EEF1E1: variants seen among roughly 807,000 people sequenced by gnomAD.
EEF1E1 encodes the protein eukaryotic translation elongation factor 1 epsilon 1.
In EEF1E1, 19 loss-of-function variants were observed where a neutral mutation model predicts 19.9. The ratio of observed to expected loss-of-function variants is 0.95; its 90% CI spans 0.66 to 1.40. The LOEUF is 1.40. EEF1E1 is among the 40% of genes most tolerant of loss of function. The pLI, the probability that EEF1E1 is intolerant of heterozygous loss-of-function variation, is 0.00. For missense variants in EEF1E1, 198 were observed against 202.2 expected, an observed-to-expected ratio of 0.98 and a Z score of 0.13; for synonymous variants, 81 against 80.0, an observed-to-expected ratio of 1.01 and a Z score of -0.07.
At chr6:8,099,330 TTG>T in intron 1 of EEF1E1, among the ~76,000 whole-genome samples, 1 of 152,348 alleles carries the variant, frequency 6.6e-6, no homozygotes, top group East Asian at 1.9e-4. Context: ...ATACTTACCA[TTG>T]TGTTACAACT....
At chr6:8,079,333 G>T, downstream of EEF1E1, 1 of 854,922 alleles carries the variant, frequency 1.2e-6, no homozygotes, top group Non-Finnish European at 1.4e-6. Context: ...CCGTAGGGCA[G>T]TTCAGTAGTT....
chr6:8,101,181 A>G (rs912597544), intron 1 of EEF1E1, among the ~76,000 whole-genome samples: 1 of 133,994 alleles, frequency 7.5e-6, no homozygotes, highest in African/African-American at 2.8e-5. Context: ...ATCCGAGATC[A>G]TGCCATGGCA....
intron 3 of EEF1E1, among the ~76,000 whole-genome samples, chr6:8,081,728 C>T (rs78499543): frequency 0.024 from 3,665 of 152,140 alleles, 168 homozygotes; most frequent in African/African-American, 0.083. Context: ...GCTTTCTTAC[C>T]AAAAATGAAT....
At chr6:8,092,383 C>T (rs754792778) in intron 2 of EEF1E1, among the ~76,000 whole-genome samples, 3 of 152,182 alleles carry the variant, frequency 2.0e-5, no homozygotes, top group Non-Finnish European at 2.9e-5. Context: ...ATGATACATA[C>T]TCAACATGAA....
chr6:8,090,331 T>G, intron 2 of EEF1E1, 50 bp from the exon 3 acceptor site: 2 of 1,268,516 alleles, frequency 1.6e-6, no homozygotes, highest in Non-Finnish European at 2.1e-6. Context: ...ACAGTAATAA[T>G]AAAGTTAATT....
intron 1 of EEF1E1, chr6:8,102,064 A>C (rs1232674212): frequency 6.7e-6 from 8 of 1,185,272 alleles, no homozygotes; most frequent in Non-Finnish European, 7.4e-6. Flanking sequence ...CTGCGCAATA[A>C]CTGAATGAAA....
At chr6:8,098,197 G>A (rs557924381) in intron 1 of EEF1E1, among the ~76,000 whole-genome samples, 24 of 151,600 alleles carry the variant, frequency 1.6e-4, no homozygotes, top group African/African-American at 5.3e-4. Context: ...TCGGCTCACT[G>A]CAACCTCTGC....
rs537403572 is a variant in EEF1E1, at chr6:8,101,712, A to T, written c.87+723T>A. Reference sequence around the variant, plus strand: ...TCTCTAATACATTCCTTCTACGACAAACAACTATAAAACACAAACGTTCTA... The same window carrying T: ...TCTCTAATACATTCCTTCTACGACATACAACTATAAAACACAAACGTTCTA... On this transcript the variant is annotated intron_variant, in intron 1 of 3. Coordinates refer to ENST00000379715, the MANE Select transcript of EEF1E1 (RefSeq NM_004280.5). 16 of 1,275,884 alleles carry T rather than the reference A, an allele frequency of 1.3e-5. No individual in the cohort carries two copies. The African/African-American group carries it at 1.8e-4, about 15-fold the overall frequency. The allele number at this position is 1,275,884 out of a possible 1,614,324, so 79.0% of individuals were successfully genotyped here. A position where few individuals can be genotyped will look rare whatever the true frequency, so the allele number is the denominator to read the frequency against.
chr6:8,099,754 ACACACACACAC>A (rs750811003), intron 1 of EEF1E1, among the ~76,000 whole-genome samples: 14,361 of 93,892 alleles, frequency 0.15, 1,043 homozygotes, highest in Admixed American at 0.23. Context: ...CCTCAAAAAC[ACACACACACAC>A]ACACACACAC....
intron 2 of EEF1E1, among the ~76,000 whole-genome samples, chr6:8,092,698 A>T (rs1213345840): frequency 6.6e-6 from 1 of 152,236 alleles, no homozygotes; most frequent in Non-Finnish European, 1.5e-5. Flanking sequence ...CAGAGAAATC[A>T]ACTTTGAGAA....
chr6:8,076,947 G>GTTTTTT (rs70982138), downstream of EEF1E1, among the ~76,000 whole-genome samples: 3 of 113,012 alleles, frequency 2.7e-5, no homozygotes, highest in African/African-American at 5.8e-5. Context: ...TTTTGTTTTT[G>GTTTTTT]TTTTTTTTTT....
At chr6:8,100,134 T>G (rs535405163) in intron 1 of EEF1E1, among the ~76,000 whole-genome samples, 1 of 152,292 alleles carries the variant, frequency 6.6e-6, no homozygotes, top group African/African-American at 2.4e-5. Flanking sequence ...TTAATTAAAA[T>G]TAAATTAAAA....
intron 2 of EEF1E1, among the ~76,000 whole-genome samples, chr6:8,095,801 A>G (rs901290677): frequency 2.0e-5 from 3 of 152,194 alleles, no homozygotes; most frequent in Non-Finnish European, 4.4e-5. Flanking sequence ...AAATAGCAAA[A>G]CAAAACAAAT....
chr6:8,097,278 T>C lies in EEF1E1; in HGVS notation c.277A>G (p.Thr93Ala), dbSNP rs1758201552. 5 of 1,614,158 alleles carry C rather than the reference T, an allele frequency of 3.1e-6. No homozygotes were observed. Among genetic ancestry groups the C allele is most frequent in the Non-Finnish European group, 4.2e-6 (5 of 1,179,976 alleles). The change falls in exon 2 of 4, where the codon ACA becomes GCA. Residue 93 changes from threonine (T) to alanine (A), a missense_variant. By Grantham distance (58) the Thr-to-Ala change is moderately conservative (BLOSUM62 0). Transcript: ENST00000379715. ...AGAAGTCACGATACCTTCAACAGTG[T>C]GTGGATGTCATTTTTACTGGAGTGC... ...DGHSSKNDIH[T>A]LLKDLNSYLE...
chr6:8,076,944 T>C (rs1043488003), downstream of EEF1E1, among the ~76,000 whole-genome samples: 1 of 128,372 alleles, frequency 7.8e-6, no homozygotes, highest in African/African-American at 2.7e-5. Context: ...TGTTTTTGTT[T>C]TTGTTTTTTT....
At chr6:8,081,236 C>T (rs1208535085) in intron 3 of EEF1E1, among the ~76,000 whole-genome samples, 2 of 152,222 alleles carry the variant, frequency 1.3e-5, no homozygotes, top group African/African-American at 2.4e-5. Context: ...AAGTCCTACA[C>T]ACAAGCTGCT....
chr6:8,079,096 C>T (rs1210970587), downstream of EEF1E1, among the ~76,000 whole-genome samples: 4 of 152,138 alleles, frequency 2.6e-5, no homozygotes, highest in Non-Finnish European at 5.9e-5. Flanking sequence ...GTTCTTCACA[C>T]AGCACTTTAA....
rs978726831 is a variant in EEF1E1 at position 8,079,425 on chromosome 6, T to C, written c.*465A>G. 1.0e-6 allele frequency: 1 copy of C among 989,510 alleles called. No individual in the cohort carries two copies. The highest frequency in any genetic ancestry group is 4.6e-5 in the South Asian group (1 of 21,680). 61.3% of individuals were successfully genotyped at this position (989,510 alleles called of 1,614,324 possible). ...TTTCAACCACATTTACTAGCTCACA[T>C]AAATATTTTAAAACAAATCCATCTG... On this transcript the variant is annotated 3_prime_UTR_variant, in exon 4 of 4. Transcript: ENST00000379715.
chr6:8,091,369 T>C (rs1047971938), intron 2 of EEF1E1, among the ~76,000 whole-genome samples: 3 of 152,234 alleles, frequency 2.0e-5, no homozygotes, highest in African/African-American at 7.2e-5. Context: ...TTTGCCACTT[T>C]TGAAATCAGG....
Sources: gnomAD v4.1 joint callset for allele counts (sites outside exome capture counted in the v4.1 genomes callset) on GRCh38, gnomAD v4.1.1 for gene constraint, MANE v1.5 for transcripts, NCBI Gene and HGNC (gene_info 2026-07-23, HGNC 2026-07-21) for gene names.